C16orf78: variants seen among roughly 807,000 people sequenced by gnomAD.
The protein encoded by C16orf78 is chromosome 16 open reading frame 78, also known as uncharacterized protein C16orf78.
C16orf78 carries 19 observed loss-of-function variants against 27.3 expected under a neutral mutation model. The ratio of observed to expected loss-of-function variants is 0.70; its 90% confidence interval spans 0.49 to 1.02. The LOEUF is 1.02. Ranked by LOEUF, C16orf78 falls within the 50% of genes least tolerant of loss-of-function variation. The pLI is 0.00. For synonymous variants in C16orf78, 130 were observed against 116.1 expected (o/e 1.12, Z -0.77); for missense variants, 339 against 337.0 (o/e 1.01, Z -0.05).
At chr16:49,389,115 G>A (rs1382586373) in intron 3 of C16orf78, among the ~76,000 whole-genome samples, 1 of 151,818 alleles carries the variant, frequency 6.6e-6, no homozygotes, top group Non-Finnish European at 1.5e-5. Context: ...TCCTTCATTA[G>A]CTTCCTAGTT....
rs549940839 is a variant in C16orf78, at chr16:49,375,498, A to G, written c.150+1409A>G. ...GAAGTGGGAGGACGAGGTGCCACAC[A>G]CACTTTTAAATGACTGGATCTCACG... is the stretch of plus-strand genomic sequence containing the variant. On this transcript the variant is annotated intron_variant, in intron 1 of 4. Transcript: ENST00000299191. 8.5e-5 allele frequency among the ~76,000 whole-genome samples: 13 copies of G among 152,294 alleles called. No individual in the cohort carries two copies. The East Asian group carries it at 2.5e-3, about 29-fold the overall frequency.
At chr16:49,394,837 A>G (rs548765175) in intron 3 of C16orf78, among the ~76,000 whole-genome samples, 33 of 152,234 alleles carry the variant, frequency 2.2e-4, no homozygotes, top group African/African-American at 6.5e-4. Flanking sequence ...GGTTGCTGGT[A>G]TACTAGACAA....
intron 1 of C16orf78, among the ~76,000 whole-genome samples, chr16:49,375,223 C>G (rs1379637783): frequency 6.6e-6 from 1 of 152,134 alleles, no homozygotes. Context: ...TTATCCAGGT[C>G]AGCACCTGCC....
At chr16:49,378,403 G>A (rs2151610782) in intron 2 of C16orf78, 67 bp from the exon 3 acceptor site, 1 of 1,522,406 alleles carries the variant, frequency 6.6e-7, no homozygotes, top group Non-Finnish European at 8.8e-7. Flanking sequence ...TGTTTGCTTG[G>A]GATGGAGCGG....
At chr16:49,382,621 G>C (rs1965300928) in intron 3 of C16orf78, among the ~76,000 whole-genome samples, 1 of 151,994 alleles carries the variant, frequency 6.6e-6, no homozygotes, top group South Asian at 2.1e-4. Context: ...GACTGGGTAA[G>C]GTGAGGCGAA....
At chr16:49,388,511 G>T (rs868843391) in intron 3 of C16orf78, among the ~76,000 whole-genome samples, 1 of 151,976 alleles carries the variant, frequency 6.6e-6, no homozygotes, top group South Asian at 2.1e-4. Context: ...CCATGAAATC[G>T]TATGGGGTTT....
At chr16:49,383,674 T>A (rs964916930) in intron 3 of C16orf78, among the ~76,000 whole-genome samples, 1 of 152,218 alleles carries the variant, frequency 6.6e-6, no homozygotes, top group Non-Finnish European at 1.5e-5. Context: ...TTGGCCTTCC[T>A]CAGTTATTTA....
chr16:49,384,450 C>A (rs1965323558), intron 3 of C16orf78, among the ~76,000 whole-genome samples: 1 of 150,766 alleles, frequency 6.6e-6, no homozygotes, highest in Non-Finnish European at 1.5e-5. Context: ...CAGACTCAAT[C>A]CAACAGAAGA....
Position 49,373,836 on chromosome 16 carries a change from C to T in C16orf78, c.-104C>T. ...CCTTTATGTTCACATCTGGAGGCCA[C>T]ACCCTACCTTCTAAGTCACCAGGCC... is the stretch of plus-strand genomic sequence containing the variant. On this transcript the variant is annotated 5_prime_UTR_variant, in exon 1 of 5. Coordinates refer to ENST00000299191, the MANE Select transcript of C16orf78 (RefSeq NM_144602.4). The T allele has an allele frequency of 1.4e-6, 2 of 1,427,810 alleles. No homozygotes were observed. Among genetic ancestry groups the T allele is most frequent in the Non-Finnish European group, 1.9e-6 (2 of 1,037,668 alleles). 88.4% of individuals were successfully genotyped at this position (1,427,810 alleles called of 1,614,324 possible).
At position 49,373,932 on chromosome 16, in the gene C16orf78, A is replaced by T. The variant is rs374209737; in HGVS notation, c.-8A>T. Reference sequence around the variant, plus strand: ...ACCTCCCACCCAAGCCACTAGCAAGACTCCACAATGTCAGAGCAACAAATG... The same window carrying T: ...ACCTCCCACCCAAGCCACTAGCAAGTCTCCACAATGTCAGAGCAACAAATG... On this transcript the variant is annotated 5_prime_UTR_variant, in exon 1 of 5. Transcript: ENST00000299191. 6.2e-7 allele frequency: 1 copy of T among 1,613,946 alleles called. No homozygotes were observed. The highest frequency in any genetic ancestry group is 1.3e-5 in the African/African-American group (1 of 74,916).
chr16:49,381,174 G>T (rs371896031), intron 3 of C16orf78, among the ~76,000 whole-genome samples: 1 of 152,130 alleles, frequency 6.6e-6, no homozygotes, highest in African/African-American at 2.4e-5. Flanking sequence ...GTGAAGAAAG[G>T]CATTGGTAGC....
chr16:49,396,622 C>T lies in C16orf78; in HGVS notation c.594C>T (p.Thr198=), dbSNP rs752532359. Reference sequence around the variant, plus strand: ...TAAAGAGCCTCATGGAGAAAAGCACCGAACCTAAGATGGAAACCATGAGGA... The same window carrying T: ...TAAAGAGCCTCATGGAGAAAAGCACTGAACCTAAGATGGAAACCATGAGGA... The part of the protein sequence containing the change: ...RKLKSLMEKS[T]EPKMETMRML... The change falls in exon 4 of 5, where the codon ACC becomes ACT. Residue 198 remains threonine (T), a synonymous_variant. Transcript: ENST00000299191. 5.0e-5 allele frequency: 80 copies of T among 1,613,430 alleles called. No homozygotes were observed. The highest frequency in any genetic ancestry group is 2.0e-4 in the East Asian group (9 of 44,880).
At chr16:49,383,880 A>G (rs1339948764) in intron 3 of C16orf78, among the ~76,000 whole-genome samples, 2 of 152,184 alleles carry the variant, frequency 1.3e-5, no homozygotes, top group Non-Finnish European at 2.9e-5. Context: ...ATAAATTAAT[A>G]AAGCTCCAAT....
At chr16:49,377,085 A>G (rs967083492) in intron 1 of C16orf78, among the ~76,000 whole-genome samples, 6 of 152,126 alleles carry the variant, frequency 3.9e-5, no homozygotes, top group African/African-American at 1.2e-4. Flanking sequence ...GGAGATCCCT[A>G]ATGACCCTGC....
rs143965492 is a variant in C16orf78, at chr16:49,377,813, G to A, written c.233G>A (p.Arg78Gln). The change falls in exon 2 of 5, where the codon CGG (arginine) becomes CAG (glutamine). Residue 78 changes from arginine (R) to glutamine (Q), a missense_variant. By Grantham distance (43) the Arg-to-Gln change is conservative (BLOSUM62 1). Transcript: ENST00000299191. Reference protein sequence around the residue: ...EKKGKGLMTARGGNRRDTETS... With the variant: ...EKKGKGLMTAQGGNRRDTETS... The stretch of plus-strand genomic sequence containing the variant: ...AAAGGCAAAGGCCTCATGACAGCAC[G>A]GGGAGGGAACCGCAGGGACACGGAG... 4.9e-3 allele frequency: 7,815 copies of A among 1,588,500 alleles called. 30 individuals are homozygous for A. The highest frequency in any genetic ancestry group is 6.3e-3 in the Non-Finnish European group (7,337 of 1,166,454).
At chr16:49,383,575 T>C (rs1332429979) in intron 3 of C16orf78, among the ~76,000 whole-genome samples, 1 of 152,192 alleles carries the variant, frequency 6.6e-6, no homozygotes, top group Non-Finnish European at 1.5e-5. Context: ...CTTTCTCTTC[T>C]CCATTTCCAC....
At position 49,397,648 on chromosome 16, in the gene C16orf78, G is replaced by A. The variant is rs539638087; in HGVS notation, c.650+970G>A. 1.1e-4 allele frequency among the ~76,000 whole-genome samples: 17 copies of A among 152,310 alleles called. No individual in the cohort carries two copies. The South Asian group carries it at 1.7e-3, about 15-fold the overall frequency. ...AGACAGCCTACCCGGGTTCCATGGT[G>A]GGGGGAAAGAGATTTGGACAGGACT... On this transcript the variant is annotated intron_variant, in intron 4 of 4. Coordinates refer to ENST00000299191, the MANE Select transcript of C16orf78 (RefSeq NM_144602.4).
At chr16:49,380,020 T>C (rs1282027093) in intron 3 of C16orf78, among the ~76,000 whole-genome samples, 1 of 152,230 alleles carries the variant, frequency 6.6e-6, no homozygotes, top group African/African-American at 2.4e-5. Flanking sequence ...TGCTGAGTCC[T>C]CTGGCCTTCG....
intron 3 of C16orf78, among the ~76,000 whole-genome samples, chr16:49,395,970 C>T (rs796668777): frequency 7.9e-5 from 12 of 152,174 alleles, no homozygotes; most frequent in East Asian, 1.9e-4. Context: ...GGGCTAGGCA[C>T]GGTGGCTCAT....
Sources: allele counts gnomAD v4.1 joint callset (sites outside exome capture counted in the v4.1 genomes callset), GRCh38; gene constraint gnomAD v4.1.1; transcripts MANE v1.5; gene names NCBI Gene and HGNC (gene_info 2026-07-23, HGNC 2026-07-21).